The following CYSTM1 variants were observed in gnomAD, a reference collection of about 807,000 sequenced individuals.
The protein encoded by CYSTM1 is cysteine rich transmembrane module containing 1, also known as cysteine-rich transmembrane module-containing protein 1.
Under a neutral mutation model 13.1 loss-of-function variants are expected in CYSTM1, and 4 were observed. The observed-to-expected ratio is 0.31, with a 90% confidence interval of 0.15 to 0.70. The LOEUF (loss-of-function observed/expected upper bound fraction) is 0.70. Among genes scored for constraint, CYSTM1 ranks in the 30% least tolerant of loss-of-function variants. CYSTM1 has a pLI of 0.72. For synonymous variants in CYSTM1, 36 were observed against 42.7 expected (o/e 0.84, Z 0.62); for missense variants, 96 against 121.6 (o/e 0.79, Z 0.99).
At chr5:140,241,873 C>A (rs1764753045) in intron 2 of CYSTM1, among the ~76,000 whole-genome samples, 2 of 152,178 alleles carry the variant, frequency 1.3e-5, no homozygotes, top group Non-Finnish European at 1.5e-5. Flanking sequence ...CCTTTTCTAT[C>A]CCAGTTGGGT....
chr5:140,226,832 C>T (rs1047283731), intron 2 of CYSTM1, among the ~76,000 whole-genome samples: 11 of 150,312 alleles, frequency 7.3e-5, no homozygotes, highest in Admixed American at 3.3e-4. Flanking sequence ...AGTGACAGTA[C>T]TGCTGATGCT....
intron 2 of CYSTM1, among the ~76,000 whole-genome samples, chr5:140,237,729 T>C (rs2079341945): frequency 6.6e-6 from 1 of 152,154 alleles, no homozygotes; most frequent in South Asian, 2.1e-4. Flanking sequence ...TTCCAAAAAT[T>C]GTGTTATTGG....
chr5:140,213,958 A>G (rs1341802794), intron 2 of CYSTM1, among the ~76,000 whole-genome samples: 3 of 152,228 alleles, frequency 2.0e-5, no homozygotes, highest in Non-Finnish European at 4.4e-5. Flanking sequence ...AAAATACTTC[A>G]AACTTAACTA....
chr5:140,202,997 G>A (rs1713999475), intron 2 of CYSTM1: 1 of 151,968 alleles, frequency 6.6e-6, no homozygotes, highest in African/African-American at 2.4e-5. Context: ...AAAAAATCAC[G>A]TCTGGTATTT....
At chr5:140,236,623 T>G (rs1218978372) in intron 2 of CYSTM1, among the ~76,000 whole-genome samples, 1 of 152,230 alleles carries the variant, frequency 6.6e-6, no homozygotes, top group Non-Finnish European at 1.5e-5. Flanking sequence ...AACATTTTCC[T>G]GTGTTATCTA....
Position 140,194,557 on chromosome 5 carries a change from TG to T in CYSTM1, c.98del (p.Gly33AspfsTer34). On this transcript the variant is annotated frameshift_variant, in exon 2 of 3. Coordinates refer to ENST00000261811, the MANE Select transcript of CYSTM1 (RefSeq NM_032412.4). LOFTEE classifies it high-confidence loss of function. ...YPPQPMGPGP[M>X]GGPYPPPQGY... Reference sequence around the variant, plus strand: ...CCACAACCAATGGGTCCAGGACCTATGGGGGGACCCTACCCACCTCCTCAAG... The same window carrying T: ...CCACAACCAATGGGTCCAGGACCTATGGGGGACCCTACCCACCTCCTCAAG... The T allele has an allele frequency of 6.2e-7, 1 of 1,613,678 alleles. No individual in the cohort carries two copies. Among genetic ancestry groups the T allele is most frequent in the Non-Finnish European group, 8.5e-7 (1 of 1,179,764 alleles).
At chr5:140,182,617 G>A (rs1763972152) in intron 1 of CYSTM1, among the ~76,000 whole-genome samples, 1 of 150,938 alleles carries the variant, frequency 6.6e-6, no homozygotes. Flanking sequence ...TTCTTGGGGG[G>A]CAGGAGGGAT....
intron 1 of CYSTM1, among the ~76,000 whole-genome samples, chr5:140,179,261 TA>T (rs36122225): frequency 0.24 from 34,031 of 139,076 alleles, 3,823 homozygotes; most frequent in African/African-American, 0.26. Context: ...TCTTGTCGCT[TA>T]AAAAAAAAAA....
At chr5:140,208,261 C>T (rs925167329) in intron 2 of CYSTM1, among the ~76,000 whole-genome samples, 3 of 152,146 alleles carry the variant, frequency 2.0e-5, no homozygotes, top group Non-Finnish European at 4.4e-5. Flanking sequence ...ACTATTCAGT[C>T]ATAAAAAAGA....
intron 2 of CYSTM1, among the ~76,000 whole-genome samples, chr5:140,215,704 G>A (rs572057207): frequency 6.6e-6 from 1 of 152,098 alleles, no homozygotes; most frequent in Non-Finnish European, 1.5e-5. Context: ...TTCATCTTGT[G>A]TGTTAGTCTC....
At chr5:140,181,332 C>G (rs923472319) in intron 1 of CYSTM1, among the ~76,000 whole-genome samples, 5 of 152,198 alleles carry the variant, frequency 3.3e-5, no homozygotes, top group Non-Finnish European at 5.9e-5. Context: ...CCACTAACAG[C>G]CTTTCCTCCC....
chr5:140,229,528 A>G (rs957505919), intron 2 of CYSTM1, among the ~76,000 whole-genome samples: 4 of 151,998 alleles, frequency 2.6e-5, no homozygotes, highest in African/African-American at 9.7e-5. Context: ...CTAGTATGAG[A>G]AATTTTAGAA....
At chr5:140,195,867 A>G (rs1289089310) in intron 2 of CYSTM1, among the ~76,000 whole-genome samples, 1 of 151,702 alleles carries the variant, frequency 6.6e-6, no homozygotes, top group Non-Finnish European at 1.5e-5. Flanking sequence ...CAACATGGTG[A>G]AACCCCGTCT....
At chr5:140,180,954 T>C (rs1158925726) in intron 1 of CYSTM1, among the ~76,000 whole-genome samples, 6 of 152,238 alleles carry the variant, frequency 3.9e-5, no homozygotes, top group Admixed American at 3.3e-4. Context: ...AAAGAATCAT[T>C]AGCCAGTCTC....
At chr5:140,178,320 G>A (rs1763916860) in intron 1 of CYSTM1, among the ~76,000 whole-genome samples, 1 of 151,952 alleles carries the variant, frequency 6.6e-6, no homozygotes, top group South Asian at 2.1e-4. Context: ...TATGAAATTT[G>A]AGCTCCTCCA....
intron 2 of CYSTM1, among the ~76,000 whole-genome samples, chr5:140,220,776 G>A (rs1386152567): frequency 6.6e-6 from 1 of 152,012 alleles, no homozygotes; most frequent in African/African-American, 2.4e-5. Context: ...TCAAGCAGGA[G>A]GGCAGGTGGG....
chr5:140,178,233 A>G (rs1209089189), intron 1 of CYSTM1, among the ~76,000 whole-genome samples: 2 of 152,148 alleles, frequency 1.3e-5, no homozygotes, highest in Non-Finnish European at 2.9e-5. Flanking sequence ...CTTTCTTGGC[A>G]TGGAAACTTT....
chr5:140,227,492 G>A (rs866171054), intron 2 of CYSTM1, among the ~76,000 whole-genome samples: 1 of 152,192 alleles, frequency 6.6e-6, no homozygotes. Context: ...GGGCCTGAGA[G>A]GAGACAGAAT....
intron 2 of CYSTM1, among the ~76,000 whole-genome samples, chr5:140,207,292 A>G (rs1019184581): frequency 3.3e-5 from 5 of 152,180 alleles, no homozygotes. Context: ...TGGCTCTTGA[A>G]AAGAGCTCAA....
Sources: gnomAD v4.1 joint callset for allele counts (sites outside exome capture counted in the v4.1 genomes callset) on GRCh38, gnomAD v4.1.1 for gene constraint, MANE v1.5 for transcripts, NCBI Gene and HGNC (gene_info 2026-07-23, HGNC 2026-07-21) for gene names.